CNTNAP2: variants seen among roughly 807,000 people sequenced by gnomAD.
CNTNAP2 encodes the protein contactin associated protein 2.
In CNTNAP2, 98 loss-of-function variants were observed where a neutral mutation model predicts 155.2. The ratio of observed to expected loss-of-function variants is 0.63; its 90% CI spans 0.54 to 0.75. CNTNAP2 has a LOEUF of 0.75. Among genes scored for constraint, CNTNAP2 ranks in the 30% least tolerant of loss-of-function variants. The pLI, the probability that CNTNAP2 is intolerant of heterozygous loss-of-function variation, is 0.00. For synonymous variants in CNTNAP2, 651 were observed against 631.2 expected (o/e 1.03, Z -0.47); for missense variants, 1,727 against 1,688.1 (o/e 1.02, Z -0.40).
intron 4 of CNTNAP2, among the ~76,000 whole-genome samples, chr7:147,064,487 C>A (rs75433422): frequency 0.033 from 5,000 of 152,234 alleles, 131 homozygotes; most frequent in Non-Finnish European, 0.053. Context: ...TGACTGACCA[C>A]ACCATCTATA....
chr7:148,414,491 G>A (rs976588334), intron 23 of CNTNAP2, among the ~76,000 whole-genome samples: 8 of 84,822 alleles, frequency 9.4e-5, no homozygotes, highest in Non-Finnish European at 1.8e-4. Flanking sequence ...CTATTGTACT[G>A]TCCTCATCTG....
chr7:147,998,338 C>T (rs185788126), intron 15 of CNTNAP2, among the ~76,000 whole-genome samples: 9 of 152,108 alleles, frequency 5.9e-5, no homozygotes, highest in Non-Finnish European at 1.2e-4. Context: ...GTCTCGATCT[C>T]CTGACCTGGT....
intron 1 of CNTNAP2, among the ~76,000 whole-genome samples, chr7:146,725,673 A>G (rs1801418919): frequency 6.6e-6 from 1 of 152,100 alleles, no homozygotes; most frequent in Non-Finnish European, 1.5e-5. Flanking sequence ...ATGTCTTTTC[A>G]GGTTTTTTTG....
intron 1 of CNTNAP2, among the ~76,000 whole-genome samples, chr7:146,209,928 A>G (rs1449820583): frequency 6.6e-6 from 1 of 152,180 alleles, no homozygotes; most frequent in Non-Finnish European, 1.5e-5. Flanking sequence ...CTTGGACAAC[A>G]GGTTGAGCAT....
intron 13 of CNTNAP2, among the ~76,000 whole-genome samples, chr7:147,695,891 T>A (rs1269216252): frequency 6.6e-6 from 1 of 152,224 alleles, no homozygotes; most frequent in Non-Finnish European, 1.5e-5. Context: ...TTGTTATGAC[T>A]TTTGGCAGGG....
chr7:146,316,685 G>T (rs780776682), intron 1 of CNTNAP2, among the ~76,000 whole-genome samples: 11 of 152,150 alleles, frequency 7.2e-5, no homozygotes, highest in Non-Finnish European at 1.6e-4. Context: ...TTTACGCAAA[G>T]GATAAGCAGG....
At chr7:147,117,041 C>T (rs1269916085) in intron 5 of CNTNAP2, among the ~76,000 whole-genome samples, 1 of 152,172 alleles carries the variant, frequency 6.6e-6, no homozygotes. Context: ...AAATTCCAAG[C>T]CAGTGGGTCT....
At chr7:147,661,097 G>A (rs932009569) in intron 13 of CNTNAP2, among the ~76,000 whole-genome samples, 7 of 151,836 alleles carry the variant, frequency 4.6e-5, no homozygotes, top group Non-Finnish European at 8.8e-5. Context: ...ATCTTTCCTG[G>A]GCCCTTTACC....
chr7:147,630,485 C>A (rs557115917), intron 12 of CNTNAP2, among the ~76,000 whole-genome samples: 1 of 152,162 alleles, frequency 6.6e-6, no homozygotes. Context: ...AAGTCAATAT[C>A]ACCCTAATAC....
At chr7:147,476,732 G>C (rs1427783027) in intron 10 of CNTNAP2, among the ~76,000 whole-genome samples, 1 of 152,030 alleles carries the variant, frequency 6.6e-6, no homozygotes, top group Non-Finnish European at 1.5e-5. Context: ...TTCGAGACCA[G>C]CCTGGCCAAC....
At chr7:146,877,691 T>C (rs1348025009) in intron 3 of CNTNAP2, among the ~76,000 whole-genome samples, 5 of 151,830 alleles carry the variant, frequency 3.3e-5, no homozygotes, top group Non-Finnish European at 7.4e-5. Context: ...ATATGGACTT[T>C]TAAACTTTTT....
chr7:148,384,145 G>A (rs1799136519), intron 22 of CNTNAP2, among the ~76,000 whole-genome samples: 1 of 152,194 alleles, frequency 6.6e-6, no homozygotes, highest in African/African-American at 2.4e-5. Flanking sequence ...ATGATGACTT[G>A]CCTAAACTGA....
chr7:147,689,499 A>G (rs1232657086), intron 13 of CNTNAP2, among the ~76,000 whole-genome samples: 1 of 152,110 alleles, frequency 6.6e-6, no homozygotes, highest in African/African-American at 2.4e-5. Flanking sequence ...TCATTCTATC[A>G]TCTTTTCTAT....
chr7:147,544,300 G>A (rs1799691140), intron 11 of CNTNAP2, among the ~76,000 whole-genome samples: 1 of 152,082 alleles, frequency 6.6e-6, no homozygotes, highest in Non-Finnish European at 1.5e-5. Flanking sequence ...GCCCACAGAA[G>A]AGCACATTTC....
intron 1 of CNTNAP2, among the ~76,000 whole-genome samples, chr7:146,398,772 A>G (rs550123366): frequency 1.3e-5 from 2 of 152,176 alleles, no homozygotes; most frequent in African/African-American, 2.4e-5. Context: ...CTAAAAATAT[A>G]TATATATTTA....
chr7:146,186,788 TG>T (rs2116845181), intron 1 of CNTNAP2, among the ~76,000 whole-genome samples: 1 of 152,312 alleles, frequency 6.6e-6, no homozygotes, highest in South Asian at 2.1e-4. Context: ...TGGAAGTTTA[TG>T]GCATCCTTTA....
intron 20 of CNTNAP2, among the ~76,000 whole-genome samples, chr7:148,264,302 T>C (rs767051033): frequency 2.6e-5 from 4 of 152,250 alleles, no homozygotes; most frequent in Non-Finnish European, 4.4e-5. Flanking sequence ...CCTTTTTACT[T>C]AAAAAGTTGA....
chr7:147,584,392 C>T (rs1012859094), intron 12 of CNTNAP2, among the ~76,000 whole-genome samples: 1 of 152,074 alleles, frequency 6.6e-6, no homozygotes, highest in African/African-American at 2.4e-5. Context: ...TTTTTCAAGG[C>T]GGGCAAATCT....
intron 3 of CNTNAP2, among the ~76,000 whole-genome samples, chr7:146,911,269 C>T (rs1208779811): frequency 6.6e-6 from 1 of 152,056 alleles, no homozygotes; most frequent in South Asian, 2.1e-4. Context: ...GGATCTAGAA[C>T]TAGAAATACC....
Sources: allele counts gnomAD v4.1 joint callset (sites outside exome capture counted in the v4.1 genomes callset), GRCh38; gene constraint gnomAD v4.1.1; transcripts MANE v1.5; gene names NCBI Gene and HGNC (gene_info 2026-07-23, HGNC 2026-07-21).